Variants in SESTD1 observed in about 807,000 individuals in gnomAD.
SESTD1 encodes the protein SEC14 and spectrin domain containing 1.
A neutral mutation model predicts 101.7 loss-of-function variants in SESTD1; 43 were observed. That is an observed-to-expected ratio of 0.42 (90% CI 0.33 to 0.55). The LOEUF (loss-of-function observed/expected upper bound fraction) is 0.55, where lower values mean the gene tolerates loss of function less well. Among genes scored for constraint, SESTD1 ranks in the 20% least tolerant of loss-of-function variants. The pLI is 0.07. For missense variants in SESTD1, 647 were observed against 815.1 expected, an observed-to-expected ratio of 0.79 and a Z score of 2.51; for synonymous variants, 283 against 286.8, an observed-to-expected ratio of 0.99 and a Z score of 0.13.
At chr2:179,253,477 G>A (rs13408774) in intron 1 of SESTD1, among the ~76,000 whole-genome samples, 1,779 of 152,264 alleles carry the variant, frequency 0.012, 31 homozygotes, top group African/African-American at 0.037. Context: ...ATATTGGGAC[G>A]TTGTACTATT....
chr2:179,203,153 T>A (rs1265227400), intron 1 of SESTD1, among the ~76,000 whole-genome samples: 1 of 134,576 alleles, frequency 7.4e-6, no homozygotes, highest in Non-Finnish European at 1.6e-5. Flanking sequence ...CACAATGACC[T>A]TTTTCCCCTT....
chr2:179,118,779 T>TATCA (rs902259802), intron 13 of SESTD1, among the ~76,000 whole-genome samples: 1 of 152,226 alleles, frequency 6.6e-6, no homozygotes, highest in Non-Finnish European at 1.5e-5. Flanking sequence ...TGGTCTCTAC[T>TATCA]ATCAAGATGC....
At chr2:179,221,465 T>C (rs970524732) in intron 1 of SESTD1, among the ~76,000 whole-genome samples, 5 of 151,408 alleles carry the variant, frequency 3.3e-5, no homozygotes, top group Non-Finnish European at 5.9e-5. Flanking sequence ...ATACAAAAAT[T>C]AGCCAGGCGT....
chr2:179,224,974 A>G (rs982841484), intron 1 of SESTD1, among the ~76,000 whole-genome samples: 38 of 152,158 alleles, frequency 2.5e-4, no homozygotes, highest in African/African-American at 8.9e-4. Context: ...AAAACTGAGG[A>G]GGGGGTCACG....
At chr2:179,172,716 G>A (rs1478909934) in intron 4 of SESTD1, among the ~76,000 whole-genome samples, 1 of 152,090 alleles carries the variant, frequency 6.6e-6, no homozygotes, top group African/African-American at 2.4e-5. Flanking sequence ...TGAAGAAGAG[G>A]ACAAAAAGCT....
At chr2:179,156,395 T>C (rs1346103899) in intron 5 of SESTD1, among the ~76,000 whole-genome samples, 1 of 152,194 alleles carries the variant, frequency 6.6e-6, no homozygotes, top group African/African-American at 2.4e-5. Context: ...TTTTAGTTCT[T>C]TGAGGTATCT....
At chr2:179,262,737 T>A (rs1325899592) in intron 1 of SESTD1, among the ~76,000 whole-genome samples, 1 of 152,212 alleles carries the variant, frequency 6.6e-6, no homozygotes, top group Non-Finnish European at 1.5e-5. Context: ...ATACATTTTT[T>A]AAAAAGGTCA....
At chr2:179,248,051 G>C (rs1189528657) in intron 1 of SESTD1, among the ~76,000 whole-genome samples, 2 of 151,500 alleles carry the variant, frequency 1.3e-5, no homozygotes, top group African/African-American at 4.9e-5. Context: ...AAAGCAAGCA[G>C]AAGGGGGAAA....
At chr2:179,129,531 T>C (rs2044960360) in intron 10 of SESTD1, among the ~76,000 whole-genome samples, 1 of 152,210 alleles carries the variant, frequency 6.6e-6, no homozygotes, top group Non-Finnish European at 1.5e-5. Context: ...TATTTCTGCA[T>C]TATGCTTTTA....
chr2:179,234,730 C>A (rs568197351), intron 1 of SESTD1, among the ~76,000 whole-genome samples: 2 of 152,212 alleles, frequency 1.3e-5, no homozygotes, highest in South Asian at 4.2e-4. Context: ...AAACGCATAA[C>A]CTGAATCTAA....
At chr2:179,116,901 T>TGA in intron 14 of SESTD1, 111 bp from the exon 15 acceptor site, 18 of 1,373,642 alleles carry the variant, frequency 1.3e-5, no homozygotes, top group Non-Finnish European at 1.8e-5. Context: ...CCGTTAATTA[T>TGA]AACCTAAAGT....
At chr2:179,146,292 T>A (rs2045393861) in intron 8 of SESTD1, 110 bp downstream of exon 8, 1 of 1,028,038 alleles carries the variant, frequency 9.7e-7, no homozygotes, top group Admixed American at 2.5e-5. Context: ...AATTTCCCCT[T>A]GAGTTCCTTC....
At chr2:179,123,681 A>G in intron 12 of SESTD1, 34 bp downstream of exon 12, 3 of 1,482,554 alleles carry the variant, frequency 2.0e-6, no homozygotes, top group Non-Finnish European at 1.9e-6. Flanking sequence ...AAAAAAAAAA[A>G]CCTTATGTTT....
intron 1 of SESTD1, among the ~76,000 whole-genome samples, chr2:179,259,694 A>G (rs1028196581): frequency 3.9e-5 from 6 of 152,186 alleles, no homozygotes; most frequent in Non-Finnish European, 5.9e-5. Flanking sequence ...AGAACTCAAC[A>G]TCTCAGGTTT....
At chr2:179,197,385 G>T (rs2046417874) in intron 1 of SESTD1, among the ~76,000 whole-genome samples, 1 of 152,168 alleles carries the variant, frequency 6.6e-6, no homozygotes, top group Admixed American at 6.5e-5. Flanking sequence ...AAAACACTCT[G>T]CAGGATATTA....
intron 16 of SESTD1, among the ~76,000 whole-genome samples, chr2:179,114,758 T>C (rs1471538117): frequency 6.6e-6 from 1 of 152,156 alleles, no homozygotes; most frequent in East Asian, 1.9e-4. Flanking sequence ...ATTGAACTCA[T>C]GATACTCTAA....
At chr2:179,133,277 C>T (rs1469967605) in intron 9 of SESTD1, among the ~76,000 whole-genome samples, 2 of 152,162 alleles carry the variant, frequency 1.3e-5, no homozygotes, top group Non-Finnish European at 2.9e-5. Context: ...TCACTAAACT[C>T]AAGGATCCCC....
intron 1 of SESTD1, among the ~76,000 whole-genome samples, chr2:179,242,454 G>GA (rs1461744039): frequency 1.3e-5 from 2 of 150,940 alleles, no homozygotes; most frequent in Non-Finnish European, 2.9e-5. Flanking sequence ...CACAGAATTA[G>GA]AAAAAACTAT....
chr2:179,175,773 T>C (rs1342204477), intron 4 of SESTD1, among the ~76,000 whole-genome samples: 1 of 152,232 alleles, frequency 6.6e-6, no homozygotes, highest in East Asian at 1.9e-4. Context: ...AAATGTCTAC[T>C]GGGTGCCTAC....
Sources: allele counts gnomAD v4.1 joint callset (sites outside exome capture counted in the v4.1 genomes callset), GRCh38; gene constraint gnomAD v4.1.1; transcripts MANE v1.5; gene names NCBI Gene and HGNC (gene_info 2026-07-23, HGNC 2026-07-21).